The following COL6A3 variants were observed in gnomAD, a reference collection of about 807,000 sequenced individuals.
COL6A3 encodes the protein collagen alpha-3(VI) chain.
Under a neutral mutation model 274.1 loss-of-function variants are expected in COL6A3, and 137 were observed. That is an observed-to-expected ratio of 0.50 (90% confidence interval 0.44 to 0.58). The LOEUF is 0.58. Ranked by LOEUF, COL6A3 falls within the 20% of genes least tolerant of loss-of-function variation. COL6A3 has a pLI of 0.00. For synonymous variants in COL6A3, 1,650 were observed against 1,650.6 expected (o/e 1.00, Z 0.01); for missense variants, 3,950 against 4,124.9 (o/e 0.96, Z 1.16).
chr2:237,325,825 GA>G (rs1336983547), intron 42 of COL6A3, 101 bp from the exon 43 acceptor site: 29 of 987,924 alleles, frequency 2.9e-5, no homozygotes, highest in Non-Finnish European at 3.7e-5. Context: ...GTGGCAGAAG[GA>G]AAAAAAAGAA....
At chr2:237,329,053 C>G (rs530640670) in intron 42 of COL6A3, 1 of 152,142 alleles carries the variant, frequency 6.6e-6, no homozygotes, top group African/African-American at 2.4e-5. Flanking sequence ...TTTTAACTTA[C>G]TTAATTTATT....
chr2:237,340,556 G>C lies in COL6A3; in HGVS notation c.8360C>G (p.Ala2787Gly). ...KVNIKEVYTF[A>G]SEPNDVFFKL... ...GAAGAAGACGTCGTTTGGCTCACTGGCGAAGGTGTATACCTCCTTGATGTT... is the reference window on the plus strand; with the variant it reads ...GAAGAAGACGTCGTTTGGCTCACTGCCGAAGGTGTATACCTCCTTGATGTT... Residue 2787 changes from alanine to glycine, a missense_variant, in exon 38 of 44, where the codon GCC becomes GGC. Coordinates refer to ENST00000295550, the MANE Select transcript of COL6A3 (RefSeq NM_004369.4). 1 of 1,614,168 alleles carries C rather than the reference G, an allele frequency of 6.2e-7. No homozygotes were observed. The highest frequency in any genetic ancestry group is 8.5e-7 in the Non-Finnish European group (1 of 1,180,030).
Position 237,361,762 on chromosome 2 carries a change from G to A in COL6A3, c.6133C>T (p.Pro2045Ser), listed in dbSNP as rs775614492. The change falls in exon 15 of 44, where the codon CCC (proline) becomes TCC (serine). Residue 2045 changes from proline (P) to serine (S), a missense_variant. This residue lies in a region of COL6A3 where 92 missense variants were observed against 143.4 expected (regional missense o/e 0.64). Coordinates refer to ENST00000295550, the MANE Select transcript of COL6A3 (RefSeq NM_004369.4). This position sits in a 1 kb window ranked among gnomAD's most constrained non-coding sequence, Gnocchi z 5.1. ...KCSGQRGDRG[P>S]IGSIGPKGIP... ...ACCTTTGGCCCGATGCTGCCGATGGGCCCGCGGTCTCCCCTCTGCCCAGAG... is the reference window on the plus strand; with the variant it reads ...ACCTTTGGCCCGATGCTGCCGATGGACCCGCGGTCTCCCCTCTGCCCAGAG... 4 of 1,614,202 alleles carry A rather than the reference G, an allele frequency of 2.5e-6. No individual in the cohort carries two copies. Among genetic ancestry groups the A allele is most frequent in the South Asian group, 1.1e-5 (1 of 91,082 alleles).
intron 23 of COL6A3, among the ~76,000 whole-genome samples, chr2:237,356,242 A>G (rs55825212): frequency 0.024 from 3,716 of 152,308 alleles, 70 homozygotes; most frequent in South Asian, 0.038. Flanking sequence ...GTAATAGCCC[A>G]TTGTAACATT....
chr2:237,338,955 G>T, intron 39 of COL6A3, 60 bp downstream of exon 39: 3 of 1,347,692 alleles, frequency 2.2e-6, no homozygotes, highest in South Asian at 1.2e-5. Context: ...GAGGTGGTTG[G>T]AGGACCTGTG....
At chr2:237,331,701 T>C (rs1299902047) in intron 42 of COL6A3, among the ~76,000 whole-genome samples, 2 of 147,400 alleles carry the variant, frequency 1.4e-5, no homozygotes, top group Non-Finnish European at 3.0e-5. Context: ...AGAGATCAAT[T>C]ATGCAGGGCC....
Position 237,340,851 on chromosome 2 carries a change from G to C in COL6A3, c.8065C>G (p.Leu2689Val). 6.2e-7 allele frequency: 1 copy of C among 1,614,134 alleles called. No homozygotes were observed. Among genetic ancestry groups the C allele is most frequent in the Non-Finnish European group, 8.5e-7 (1 of 1,179,976 alleles). ...TTCTCCTTGGAGCCATAGTCAGTCA[G>C]GGAGAATTCCACCTTCACAGGTGGC... ...SMPPVKVEFS[L>V]TDYGSKEKLV... is the part of the protein sequence containing the mutation. Residue 2689 changes from leucine to valine, a missense_variant, in exon 38 of 44, where the codon CTG becomes GTG. Coordinates refer to ENST00000295550, the MANE Select transcript of COL6A3 (RefSeq NM_004369.4).
At chr2:237,332,046 C>T (rs1211066731) in intron 42 of COL6A3, among the ~76,000 whole-genome samples, 3 of 107,482 alleles carry the variant, frequency 2.8e-5, no homozygotes, top group Non-Finnish European at 5.8e-5. Context: ...CAACTCTCTC[C>T]CCCCATCTCT....
chr2:237,381,587 G>A, intron 4 of COL6A3, 88 bp from the exon 5 acceptor site: 3 of 1,120,630 alleles, frequency 2.7e-6, no homozygotes, highest in African/African-American at 1.5e-5. Flanking sequence ...TCCATTTAAA[G>A]GACACCCTCA....
chr2:237,333,350 G>A, intron 42 of COL6A3, 100 bp downstream of exon 42: 2 of 1,096,006 alleles, frequency 1.8e-6, no homozygotes, highest in South Asian at 1.3e-5. Context: ...CCCCATAGAA[G>A]TCATGCCTGG....
At chr2:237,365,439 A>G (rs547767657) in intron 12 of COL6A3, among the ~76,000 whole-genome samples, 1 of 152,280 alleles carries the variant, frequency 6.6e-6, no homozygotes, top group Admixed American at 6.5e-5. Flanking sequence ...ACTATAATTA[A>G]ACATAAATCA....
At chr2:237,352,035 T>C (rs1184423664) in intron 26 of COL6A3, among the ~76,000 whole-genome samples, 2 of 152,262 alleles carry the variant, frequency 1.3e-5, no homozygotes, top group African/African-American at 4.8e-5. Context: ...AGTGTGTCTC[T>C]GCTCATCATT....
At chr2:237,339,399 G>C (rs1406097804) in intron 38 of COL6A3, among the ~76,000 whole-genome samples, 1 of 152,206 alleles carries the variant, frequency 6.6e-6, no homozygotes, top group Non-Finnish European at 1.5e-5. Flanking sequence ...AGGGATAGAA[G>C]AAAAATCAAG....
rs1489977815 is a variant in COL6A3, at chr2:237,351,174, C to T, written c.6772G>A (p.Gly2258Ser). ...SGPRGSGGAA[G>S]APGERGRTGP... is the part of the protein sequence containing the mutation. ...GTTCTGCCTCGTTCTCCAGGAGCAC[C>T]AGCGGCACCTCCGCTTCCCTGGAGC... is the stretch of plus-strand genomic sequence containing the variant. Residue 2258 changes from glycine to serine, a missense_variant, in exon 27 of 44, where the codon GGT becomes AGT. Coordinates refer to ENST00000295550, the MANE Select transcript of COL6A3 (RefSeq NM_004369.4). 4 of 1,614,224 alleles carry T rather than the reference C, an allele frequency of 2.5e-6. No homozygotes were observed. The East Asian group carries it at 8.9e-5, about 36-fold the overall frequency.
In COL6A3 at chr2:237,346,226, C is replaced by T. The variant is rs149934175; in HGVS notation, c.7092+277G>A. 3.1e-3 allele frequency among the ~76,000 whole-genome samples: 470 copies of T among 152,302 alleles called. 6 individuals are homozygous for T. Among genetic ancestry groups the T allele is most frequent in the African/African-American group, 0.011 (449 of 41,560 alleles). On this transcript the variant is annotated intron_variant, in intron 32 of 43. Coordinates refer to ENST00000295550, the MANE Select transcript of COL6A3 (RefSeq NM_004369.4). The stretch of plus-strand genomic sequence containing the variant: ...CTCTTTGGTTTCTCCTCTACACAAA[C>T]CTCAAATGCACCTATGCCAGGAAAC...
chr2:237,370,907 C>T (rs2077670948), intron 9 of COL6A3, among the ~76,000 whole-genome samples: 1 of 152,162 alleles, frequency 6.6e-6, no homozygotes, highest in Non-Finnish European at 1.5e-5. Flanking sequence ...GAAAATGAGA[C>T]CACATTGTAA....
At chr2:237,383,438 C>T (rs1490536456) in intron 4 of COL6A3, among the ~76,000 whole-genome samples, 5 of 152,106 alleles carry the variant, frequency 3.3e-5, no homozygotes, top group Non-Finnish European at 7.4e-5. Context: ...CTCTGGGCTA[C>T]CCCTTCATTT....
chr2:237,363,533 T>A, intron 13 of COL6A3, 135 bp from the exon 14 acceptor site: 1 of 963,128 alleles, frequency 1.0e-6, no homozygotes, highest in East Asian at 2.6e-5. Flanking sequence ...TAATCAAGTT[T>A]ACTGGCTACT....
Position 237,414,038 on chromosome 2 carries a change from GTC to G in COL6A3, c.-118_-117del, listed in dbSNP as rs925978755. 6.6e-6 allele frequency: 1 copy of G among 152,174 alleles called. No individual in the cohort carries two copies. The highest frequency in any genetic ancestry group is 1.5e-5 in the Non-Finnish European group (1 of 68,024). 9.4% of individuals were successfully genotyped at this position (152,174 alleles called of 1,614,324 possible). A position where few individuals can be genotyped will look rare whatever the true frequency, so the allele number is the denominator to read the frequency against. On this transcript the variant is annotated 5_prime_UTR_variant, in exon 1 of 44. Coordinates refer to ENST00000295550, the MANE Select transcript of COL6A3 (RefSeq NM_004369.4). ...GATGCATACTTTTCCCACTCACTGC[GTC>G]TCTTTTTCTTTTTGCAGCCTTTCTC... is the stretch of plus-strand genomic sequence containing the variant.
Sources: gnomAD v4.1 joint callset for allele counts (sites outside exome capture counted in the v4.1 genomes callset) on GRCh38, gnomAD v4.1.1 for gene constraint, gnomAD v4.1.1 regional missense constraint, Gnocchi (gnomAD v3.1) non-coding constraint, MANE v1.5 for transcripts, NCBI Gene and HGNC (gene_info 2026-07-23, HGNC 2026-07-21) for gene names.